Variants in ODF2 observed in about 807,000 individuals in gnomAD.
The protein encoded by ODF2 is outer dense fiber protein 2.
ODF2 carries 47 observed loss-of-function variants against 110.2 expected under a neutral mutation model. The observed-to-expected ratio is 0.43, with a 90% CI of 0.34 to 0.54. The LOEUF (loss-of-function observed/expected upper bound fraction) is 0.54. Among genes scored for constraint, ODF2 ranks in the 20% least tolerant of loss-of-function variants. The probability of loss-of-function intolerance (pLI) is 0.03; values close to 1 mark genes in which losing one functional copy is unlikely to be tolerated. For missense variants in ODF2, 812 were observed against 1,054.5 expected, an observed-to-expected ratio of 0.77 and a Z score of 3.19; for synonymous variants, 352 against 397.7, an observed-to-expected ratio of 0.89 and a Z score of 1.37.
In ODF2 at chr9:128,459,584, A is replaced by G. The variant is rs1451634733; in HGVS notation, c.50A>G (p.Lys17Arg). 3 of 1,614,030 alleles carry G rather than the reference A, an allele frequency of 1.9e-6. No individual in the cohort carries two copies. In the African/African-American group the frequency reaches 4.0e-5, roughly 22 times the overall value. ...GGGTGCAGGTTTCCATCGTGTGGGA[A>G]GAACGGAGTAACGAGTCTCACGCAG... Residue 17 changes from lysine (K) to arginine (R), a missense_variant, in exon 3 of 21, where the codon AAG becomes AGG. Lys to Arg is a conservative substitution (Grantham distance 26, BLOSUM62 2). This residue lies in a region of ODF2 where 121 missense variants were observed against 123.7 expected (regional missense o/e 0.98). Transcript: ENST00000604420.
chr9:128,455,211 AG>A (rs1283807972), upstream of ODF2: 2 of 1,535,412 alleles, frequency 1.3e-6, no homozygotes, highest in Admixed American at 2.0e-5. Flanking sequence ...CGGACCAGCA[AG>A]GACCTCATCA....
At chr9:128,456,651 C>G (rs761150835) in intron 1 of ODF2, 105 of 1,476,328 alleles carry the variant, frequency 7.1e-5, no homozygotes, top group Non-Finnish European at 9.3e-5. Flanking sequence ...ATCGCCCCGA[C>G]CGCCTCGTCC....
chr9:128,500,076 C>A, exon 21 of ODF2: 3 of 1,614,234 alleles, frequency 1.9e-6, no homozygotes, highest in Non-Finnish European at 2.5e-6. Flanking sequence ...GGCGGACCGC[C>A]GCTACCAGAG....
At chr9:128,475,221 A>C (rs754227252) in intron 8 of ODF2, among the ~76,000 whole-genome samples, 5 of 152,214 alleles carry the variant, frequency 3.3e-5, no homozygotes, top group Non-Finnish European at 5.9e-5. Context: ...GAGGAGGTAC[A>C]CAAGTATATA....
intron 4 of ODF2, among the ~76,000 whole-genome samples, chr9:128,468,698 T>C (rs190610080): frequency 6.6e-6 from 1 of 152,252 alleles, no homozygotes; most frequent in Admixed American, 6.5e-5. Flanking sequence ...AAGTTTGTGT[T>C]TTTAGTAGAG....
intron 4 of ODF2, among the ~76,000 whole-genome samples, chr9:128,462,604 G>GTTTTTTTT (rs1350029190): frequency 1.4e-5 from 2 of 140,224 alleles, no homozygotes. Flanking sequence ...TTGTTTTTTT[G>GTTTTTTTT]TTTTTTTTTT....
intron 4 of ODF2, among the ~76,000 whole-genome samples, chr9:128,462,919 A>G (rs1014938041): frequency 1.3e-5 from 2 of 152,152 alleles, no homozygotes; most frequent in African/African-American, 4.8e-5. Context: ...TTTGTAACAG[A>G]AAAATTGGAA....
At chr9:128,465,481 G>A (rs1488251304) in intron 4 of ODF2, among the ~76,000 whole-genome samples, 2 of 152,104 alleles carry the variant, frequency 1.3e-5, no homozygotes, top group African/African-American at 2.4e-5. Flanking sequence ...GGTGGCTCAC[G>A]CCTGTAATCT....
chr9:128,480,020 G>A (rs867495013), intron 8 of ODF2, among the ~76,000 whole-genome samples: 11 of 152,302 alleles, frequency 7.2e-5, no homozygotes, highest in African/African-American at 2.6e-4. Flanking sequence ...TACTGAGGAG[G>A]CTGAGGTGGG....
intron 13 of ODF2, 58 bp from the exon 14 acceptor site, chr9:128,487,832 C>A (rs9632915): frequency 0.23 from 361,201 of 1,553,254 alleles, 47,980 homozygotes; most frequent in East Asian, 0.48. Context: ...CACACACACA[C>A]ACAAACAAAC....
intron 14 of ODF2, among the ~76,000 whole-genome samples, chr9:128,489,931 G>A (rs1176542813): frequency 1.3e-5 from 2 of 152,210 alleles, no homozygotes; most frequent in Non-Finnish European, 2.9e-5. Flanking sequence ...CCTTGGCAAC[G>A]CTTGGTAGCT....
At chr9:128,467,258 C>T (rs1464651100) in intron 4 of ODF2, among the ~76,000 whole-genome samples, 1 of 150,638 alleles carries the variant, frequency 6.6e-6, no homozygotes, top group Non-Finnish European at 1.5e-5. Context: ...CTGTAGGCAA[C>T]TAACACAATG....
chr9:128,455,934 G>A (rs10819384), upstream of ODF2: 1,020,617 of 1,401,102 alleles, frequency 0.73, 387,502 homozygotes, highest in Non-Finnish European at 0.78. Context: ...GGCGAGACCC[G>A]GCCAGGCCCG....
intron 7 of ODF2, 112 bp downstream of exon 7, chr9:128,473,154 C>T: frequency 6.6e-7 from 1 of 1,518,122 alleles, no homozygotes; most frequent in Non-Finnish European, 8.9e-7. Flanking sequence ...CATCTTCAGG[C>T]TGGGGGAGAG....
chr9:128,466,071 G>A (rs941824747), intron 4 of ODF2, among the ~76,000 whole-genome samples: 1 of 152,098 alleles, frequency 6.6e-6, no homozygotes, highest in African/African-American at 2.4e-5. Flanking sequence ...CCCATGAGGC[G>A]GAGGTTGCAG....
intron 10 of ODF2, 36 bp downstream of exon 10, chr9:128,482,923 G>C (rs781771178): frequency 3.3e-6 from 5 of 1,510,490 alleles, no homozygotes; most frequent in Non-Finnish European, 4.5e-6. Context: ...TTTAGACGGA[G>C]TCTCGCTCTG....
intron 5 of ODF2, among the ~76,000 whole-genome samples, chr9:128,470,264 G>T (rs1033534985): frequency 6.6e-6 from 1 of 151,182 alleles, no homozygotes; most frequent in South Asian, 2.1e-4. Context: ...AACACGACCT[G>T]TGTCTTTAAT....
chr9:128,493,600 G>A (rs984199361), intron 16 of ODF2, among the ~76,000 whole-genome samples: 2 of 152,104 alleles, frequency 1.3e-5, no homozygotes, highest in Non-Finnish European at 2.9e-5. Flanking sequence ...TTATCTTAAT[G>A]GTTACCTTGG....
upstream of ODF2, chr9:128,455,211 A>G (rs1588647231): frequency 1.3e-6 from 2 of 1,535,530 alleles, no homozygotes; most frequent in African/African-American, 1.4e-5. Context: ...CGGACCAGCA[A>G]GGACCTCATC....
Sources: gnomAD v4.1 joint callset for allele counts (sites outside exome capture counted in the v4.1 genomes callset) on GRCh38, gnomAD v4.1.1 for gene constraint, gnomAD v4.1.1 regional missense constraint, MANE v1.5 for transcripts, NCBI Gene and HGNC (gene_info 2026-07-23, HGNC 2026-07-21) for gene names.